The following DLG2 variants were observed in gnomAD, a reference collection of about 807,000 sequenced individuals.
The protein encoded by DLG2 is disks large homolog 2.
Under a neutral mutation model 132.5 loss-of-function variants are expected in DLG2, and 45 were observed. The ratio of observed to expected loss-of-function variants is 0.34; its 90% CI spans 0.27 to 0.44. The LOEUF is 0.44. DLG2 is among the 20% of genes least tolerant of loss of function. The pLI, the probability that DLG2 is intolerant of heterozygous loss-of-function variation, is 1.00. For synonymous variants in DLG2, 424 were observed against 419.6 expected, an observed-to-expected ratio of 1.01 and a Z score of -0.13; for missense variants, 1,045 against 1,196.9, an observed-to-expected ratio of 0.87 and a Z score of 1.87.
intron 7 of DLG2, among the ~76,000 whole-genome samples, chr11:84,368,381 A>T (rs535010690): frequency 6.6e-6 from 1 of 152,190 alleles, no homozygotes; most frequent in Non-Finnish European, 1.5e-5. Flanking sequence ...ATGTTTGCCT[A>T]TTCTTCATGG....
At chr11:84,035,301 G>T (rs2095832663) in intron 11 of DLG2, among the ~76,000 whole-genome samples, 1 of 152,016 alleles carries the variant, frequency 6.6e-6, no homozygotes. Context: ...AGGTTCTTGG[G>T]GGCATAGCAG....
At chr11:84,671,510 G>T (rs2099705881) in intron 6 of DLG2, among the ~76,000 whole-genome samples, 1 of 152,118 alleles carries the variant, frequency 6.6e-6, no homozygotes, top group Admixed American at 6.6e-5. Flanking sequence ...GAGGAGATTA[G>T]TTGTACAGCC....
intron 8 of DLG2, among the ~76,000 whole-genome samples, chr11:84,174,014 C>CTTTTTTTTTTTTTTTTTTTTT (rs11338428): frequency 6.5e-5 from 4 of 61,218 alleles, no homozygotes; most frequent in African/African-American, 1.3e-4. Context: ...ACCCCCCGGC[C>CTTTTTTTTTTTTTTTTTTTTT]TTTTTTTTTT....
intron 3 of DLG2, among the ~76,000 whole-genome samples, chr11:85,454,609 T>A (rs1220240886): frequency 6.6e-6 from 1 of 152,116 alleles, no homozygotes; most frequent in Non-Finnish European, 1.5e-5. Context: ...CTTTGCCAGG[T>A]CCTATGTCCA....
intron 18 of DLG2, among the ~76,000 whole-genome samples, chr11:83,713,414 T>C (rs2085948014): frequency 6.6e-6 from 1 of 152,114 alleles, no homozygotes; most frequent in African/African-American, 2.4e-5. Flanking sequence ...AAAACACAAA[T>C]ACTTGGAGAA....
intron 6 of DLG2, among the ~76,000 whole-genome samples, chr11:84,576,971 G>A (rs779956267): frequency 3.9e-5 from 6 of 152,146 alleles, no homozygotes; most frequent in African/African-American, 7.2e-5. Context: ...TGTTGTGGGA[G>A]GGACTCGGGG....
At chr11:85,362,172 T>A (rs1229841247) in intron 3 of DLG2, among the ~76,000 whole-genome samples, 2 of 152,138 alleles carry the variant, frequency 1.3e-5, no homozygotes, top group Non-Finnish European at 2.9e-5. Flanking sequence ...CCCAGGCTGG[T>A]CTTGAACTCC....
At chr11:83,764,411 G>C (rs764330011) in intron 18 of DLG2, among the ~76,000 whole-genome samples, 23 of 152,170 alleles carry the variant, frequency 1.5e-4, no homozygotes, top group Non-Finnish European at 2.8e-4. Context: ...ATTTGAATGA[G>C]TGGTGCTGAA....
At chr11:85,039,666 C>G (rs549996342) in intron 6 of DLG2, among the ~76,000 whole-genome samples, 1 of 151,550 alleles carries the variant, frequency 6.6e-6, no homozygotes, top group Non-Finnish European at 1.5e-5. Flanking sequence ...TGAATTAGCA[C>G]GAGAAACAGG....
intron 6 of DLG2, among the ~76,000 whole-genome samples, chr11:84,666,199 G>T (rs1245115195): frequency 6.6e-6 from 1 of 152,112 alleles, no homozygotes; most frequent in Non-Finnish European, 1.5e-5. Flanking sequence ...TCAGTAGACT[G>T]AGTAAAGCAG....
At chr11:83,676,393 T>C (rs2077693240) in intron 18 of DLG2, among the ~76,000 whole-genome samples, 1 of 152,230 alleles carries the variant, frequency 6.6e-6, no homozygotes, top group Non-Finnish European at 1.5e-5. Context: ...CTAGCTTTAC[T>C]GATGTACTTT....
At chr11:84,317,713 T>A (rs1599774745) in intron 7 of DLG2, among the ~76,000 whole-genome samples, 1 of 152,224 alleles carries the variant, frequency 6.6e-6, no homozygotes, top group East Asian at 1.9e-4. Context: ...TTTATAAGAA[T>A]CACTTATCTA....
At chr11:84,179,744 G>T (rs1316311505) in intron 8 of DLG2, among the ~76,000 whole-genome samples, 1 of 152,092 alleles carries the variant, frequency 6.6e-6, no homozygotes, top group African/African-American at 2.4e-5. Flanking sequence ...ACCTGTCGGG[G>T]TTTTACCAGG....
intron 18 of DLG2, among the ~76,000 whole-genome samples, chr11:83,778,137 C>T (rs2094661610): frequency 2.2e-5 from 2 of 91,164 alleles, no homozygotes; most frequent in Admixed American, 8.8e-5. Context: ...AGTTTTAAAG[C>T]TGTCTTGCTT....
chr11:85,100,201 T>C (rs903853147), intron 6 of DLG2, among the ~76,000 whole-genome samples: 1 of 152,136 alleles, frequency 6.6e-6, no homozygotes, highest in Non-Finnish European at 1.5e-5. Flanking sequence ...AGAGAGTTCA[T>C]TGCTCAAGTG....
At chr11:84,138,605 G>T (rs1261817717) in intron 9 of DLG2, among the ~76,000 whole-genome samples, 1 of 152,128 alleles carries the variant, frequency 6.6e-6, no homozygotes, top group Non-Finnish European at 1.5e-5. Flanking sequence ...TTGTCACCTG[G>T]ATATTTTATC....
Position 85,484,212 on chromosome 11 carries a change from C to T in DLG2, c.40+114445G>A, listed in dbSNP as rs548666474. On this transcript the variant is annotated intron_variant, in intron 3 of 27. Transcript: ENST00000376104. ...GATCTTTCCCGCCCCCCGTTCCTCC[C>T]GACCCCTCCACCCGCCCTCCCTCTC... is the stretch of plus-strand genomic sequence containing the variant. 2.2e-3 allele frequency among the ~76,000 whole-genome samples: 322 copies of T among 148,878 alleles called. 1 individual carries two copies. The highest frequency in any genetic ancestry group is 7.7e-3 in the African/African-American group (310 of 40,084).
intron 14 of DLG2, among the ~76,000 whole-genome samples, chr11:83,939,289 G>C (rs538223676): frequency 1.3e-5 from 2 of 152,288 alleles, no homozygotes; most frequent in South Asian, 4.1e-4. Flanking sequence ...AGTTTGGTTT[G>C]CTTTTTCAGC....
chr11:84,897,928 C>T (rs571866375), intron 6 of DLG2, among the ~76,000 whole-genome samples: 11 of 151,818 alleles, frequency 7.2e-5, no homozygotes, highest in South Asian at 6.2e-4. Flanking sequence ...TGGAAAAATA[C>T]ATAAGCTCCT....
Sources: allele counts gnomAD v4.1 joint callset (sites outside exome capture counted in the v4.1 genomes callset), GRCh38; gene constraint gnomAD v4.1.1; transcripts MANE v1.5; gene names NCBI Gene and HGNC (gene_info 2026-07-23, HGNC 2026-07-21).